LRRC8D: variants seen among roughly 807,000 people sequenced by gnomAD.
LRRC8D encodes leucine rich repeat containing 8 VRAC subunit D, also known as volume-regulated anion channel subunit LRRC8D.
In LRRC8D, 20 loss-of-function variants were observed where a neutral mutation model predicts 55.8. The observed-to-expected ratio is 0.36, with a 90% CI of 0.25 to 0.52. The LOEUF is 0.52. Ranked by LOEUF, LRRC8D falls within the 20% of genes least tolerant of loss-of-function variation. The probability of loss-of-function intolerance (pLI) is 0.93; values close to 1 mark genes in which losing one functional copy is unlikely to be tolerated. For missense variants in LRRC8D, 651 were observed against 1,030.8 expected (o/e 0.63, Z 5.05); for synonymous variants, 352 against 377.0 (o/e 0.93, Z 0.77).
At chr1:89,921,992 G>A (rs1050494756) in intron 2 of LRRC8D, among the ~76,000 whole-genome samples, 14 of 152,282 alleles carry the variant, frequency 9.2e-5, no homozygotes, top group African/African-American at 3.1e-4. Flanking sequence ...GGAACAAAGA[G>A]CAAGATTTGA....
In LRRC8D at chr1:89,932,718, C is replaced by G. The variant is rs1293332570; in HGVS notation, c.-2-349C>G. On this transcript the variant is annotated intron_variant, in intron 2 of 2. Coordinates refer to ENST00000337338, the MANE Select transcript of LRRC8D (RefSeq NM_001134479.2). Reference sequence around the variant, plus strand: ...CTTATACAAAATAAGAGTCATCCCACTCCTTGACCTCCAAATTTCAGTCTT... The same window carrying G: ...CTTATACAAAATAAGAGTCATCCCAGTCCTTGACCTCCAAATTTCAGTCTT... 2.6e-5 allele frequency among the ~76,000 whole-genome samples: 4 copies of G among 152,302 alleles called. No individual in the cohort carries two copies. In the East Asian group the frequency reaches 5.8e-4, roughly 22 times the overall value.
chr1:89,858,771 G>A (rs1414273653), intron 2 of LRRC8D, among the ~76,000 whole-genome samples: 1 of 151,888 alleles, frequency 6.6e-6, no homozygotes, highest in Non-Finnish European at 1.5e-5. Context: ...TATAAAAGCA[G>A]ATGCCTTTTT....
At chr1:89,850,961 A>T (rs536496166) in intron 2 of LRRC8D, among the ~76,000 whole-genome samples, 2 of 152,142 alleles carry the variant, frequency 1.3e-5, no homozygotes, top group East Asian at 3.8e-4. Flanking sequence ...TTTCTAAAAG[A>T]CACATTTTTC....
chr1:89,858,858 A>G (rs1429206866), intron 2 of LRRC8D, among the ~76,000 whole-genome samples: 1 of 152,146 alleles, frequency 6.6e-6, no homozygotes, highest in East Asian at 1.9e-4. Flanking sequence ...TTCATTTAAG[A>G]CAAGAAATGA....
chr1:89,840,966 G>T lies in LRRC8D; in HGVS notation c.-147-2672G>T, dbSNP rs566816316. On this transcript the variant is annotated intron_variant, in intron 1 of 2. Coordinates refer to ENST00000337338, the MANE Select transcript of LRRC8D (RefSeq NM_001134479.2). The stretch of plus-strand genomic sequence containing the variant: ...TTAAAAACATGGTAATAATTGACAG[G>T]GTTTTTAAAATGAGAGAAGTTTCTA... Among the ~76,000 whole-genome samples, 146 of 152,238 alleles carry T rather than the reference G, an allele frequency of 9.6e-4. 1 individual carries two copies. Among genetic ancestry groups the T allele is most frequent in the African/African-American group, 3.4e-3 (140 of 41,546 alleles).
intron 2 of LRRC8D, among the ~76,000 whole-genome samples, chr1:89,898,587 A>G (rs527377887): frequency 3.3e-5 from 5 of 152,314 alleles, no homozygotes; most frequent in African/African-American, 1.2e-4. Context: ...CCCCAGCAGC[A>G]AGGCTAGGAT....
At chr1:89,882,007 C>G (rs933882271) in intron 2 of LRRC8D, among the ~76,000 whole-genome samples, 2 of 152,172 alleles carry the variant, frequency 1.3e-5, no homozygotes, top group African/African-American at 4.8e-5. Flanking sequence ...GGGGCTGGGA[C>G]TCCTGAGGCC....
chr1:89,851,513 C>CTT (rs375812263), intron 2 of LRRC8D, among the ~76,000 whole-genome samples: 5 of 144,198 alleles, frequency 3.5e-5, no homozygotes, highest in African/African-American at 1.3e-4. Flanking sequence ...CTTTCTTTTT[C>CTT]TTTTTTTTTT....
intron 2 of LRRC8D, among the ~76,000 whole-genome samples, chr1:89,909,675 G>A (rs1340282725): frequency 1.3e-5 from 2 of 151,942 alleles, no homozygotes; most frequent in Non-Finnish European, 2.9e-5. Flanking sequence ...GACCATCCTG[G>A]CTAACACGGT....
chr1:89,822,956 G>C (rs1660676589), intron 1 of LRRC8D, among the ~76,000 whole-genome samples: 1 of 152,114 alleles, frequency 6.6e-6, no homozygotes, highest in African/African-American at 2.4e-5. Context: ...GTTAAAACAG[G>C]GGTCACGAAA....
In LRRC8D at chr1:89,935,737, G is replaced by A; in HGVS notation, c.*92G>A. On this transcript the variant is annotated 3_prime_UTR_variant, in exon 3 of 3. Coordinates refer to ENST00000337338, the MANE Select transcript of LRRC8D (RefSeq NM_001134479.2). ...GTTATTACAAGATAATGCATTTTAG[G>A]AGTAGATACATCTTTTAAAATAAAA... is the stretch of plus-strand genomic sequence containing the variant. The A allele has an allele frequency of 8.8e-7, 1 of 1,131,398 alleles. No homozygotes were observed. The highest frequency in any genetic ancestry group is 1.5e-5 in the South Asian group (1 of 66,932). 70.1% of individuals were successfully genotyped at this position (1,131,398 alleles called of 1,614,324 possible).
At position 89,896,371 on chromosome 1, in the gene LRRC8D, A is replaced by G. The variant is rs992649886; in HGVS notation, c.-2-36696A>G. 4.6e-5 allele frequency among the ~76,000 whole-genome samples: 7 copies of G among 152,182 alleles called. No homozygotes were observed. The East Asian group carries it at 1.3e-3, about 29-fold the overall frequency. The stretch of plus-strand genomic sequence containing the variant: ...ATCATTGCACAGAAGGGGAAGCAAG[A>G]TAAAAATGTTTATGTGCCTGGCTCG... On this transcript the variant is annotated intron_variant, in intron 2 of 2. Coordinates refer to ENST00000337338, the MANE Select transcript of LRRC8D (RefSeq NM_001134479.2).
At chr1:89,859,450 GT>G (rs1661644742) in intron 2 of LRRC8D, among the ~76,000 whole-genome samples, 2 of 152,082 alleles carry the variant, frequency 1.3e-5, no homozygotes, top group South Asian at 4.1e-4. Context: ...CGAAATTGTT[GT>G]TATAACATTT....
intron 2 of LRRC8D, among the ~76,000 whole-genome samples, chr1:89,866,024 T>C (rs1259231422): frequency 1.3e-5 from 2 of 152,244 alleles, no homozygotes; most frequent in South Asian, 2.1e-4. Flanking sequence ...TTTATAATTT[T>C]TGAATTGCTG....
At position 89,934,649 on chromosome 1, in the gene LRRC8D, T is replaced by C; in HGVS notation, c.1581T>C (p.Val527=). 6.2e-7 allele frequency: 1 copy of C among 1,614,228 alleles called. No homozygotes were observed. The highest frequency in any genetic ancestry group is 8.5e-7 in the Non-Finnish European group (1 of 1,180,042). ...ELHLCHCPAK[V]EQTAFSFLRD... is the part of the protein sequence containing the mutation. Reference sequence around the variant, plus strand: ...ACCTCTGCCACTGCCCTGCAAAAGTTGAACAGACTGCTTTTAGCTTTCTTC... The same window carrying C: ...ACCTCTGCCACTGCCCTGCAAAAGTCGAACAGACTGCTTTTAGCTTTCTTC... The change falls in exon 3 of 3, where the codon GTT becomes GTC. Residue 527 remains valine, a synonymous_variant. Coordinates refer to ENST00000337338, the MANE Select transcript of LRRC8D (RefSeq NM_001134479.2). This position sits in a 1 kb window ranked among gnomAD's most constrained non-coding sequence, Gnocchi z 5.9.
Position 89,891,033 on chromosome 1 carries a change from C to G in LRRC8D, c.-2-42034C>G, listed in dbSNP as rs199805856. 9.8e-5 allele frequency among the ~76,000 whole-genome samples: 15 copies of G among 152,296 alleles called. No homozygotes were observed. In the East Asian group the frequency reaches 2.9e-3, roughly 29 times the overall value. ...AGTAGCTGGGACTGCAGGCGCCCAC[C>G]ACCATGCCCAGCTAATTTTTGTATT... On this transcript the variant is annotated intron_variant, in intron 2 of 2. Transcript: ENST00000337338.
chr1:89,831,519 C>A (rs1232526495), intron 1 of LRRC8D, among the ~76,000 whole-genome samples: 1 of 151,902 alleles, frequency 6.6e-6, no homozygotes, highest in African/African-American at 2.4e-5. Flanking sequence ...GTAAAGAGAT[C>A]ATCTACCCCA....
At chr1:89,927,100 TC>T (rs958524477) in intron 2 of LRRC8D, among the ~76,000 whole-genome samples, 1 of 152,190 alleles carries the variant, frequency 6.6e-6, no homozygotes, top group African/African-American at 2.4e-5. Context: ...TCCTTTGTAC[TC>T]CAGAGAAAGC....
chr1:89,911,528 C>G lies in LRRC8D; in HGVS notation c.-2-21539C>G, dbSNP rs80233581. Among the ~76,000 whole-genome samples, 610 of 152,264 alleles carry G rather than the reference C, an allele frequency of 4.0e-3. 2 individuals carry two copies. The highest frequency in any genetic ancestry group is 0.014 in the African/African-American group (590 of 41,550). ...CGTAAGAAAAACATCTTGGTACTCTCTCACCCTGCTACTTCCAACTTTTAC... is the reference window on the plus strand; with the variant it reads ...CGTAAGAAAAACATCTTGGTACTCTGTCACCCTGCTACTTCCAACTTTTAC... On this transcript the variant is annotated intron_variant, in intron 2 of 2. Transcript: ENST00000337338. This position sits in a 1 kb window ranked among gnomAD's most constrained non-coding sequence, Gnocchi z 4.0.
Sources: gnomAD v4.1 joint callset for allele counts (sites outside exome capture counted in the v4.1 genomes callset) on GRCh38, gnomAD v4.1.1 for gene constraint, Gnocchi (gnomAD v3.1) non-coding constraint, MANE v1.5 for transcripts, NCBI Gene and HGNC (gene_info 2026-07-23, HGNC 2026-07-21) for gene names.